Variants in GPR89A observed in about 807,000 individuals in gnomAD.
The protein encoded by GPR89A is G protein-coupled receptor 89A.
In GPR89A, 16 loss-of-function variants were observed where a neutral mutation model predicts 52.0. That is an observed-to-expected ratio of 0.31 (90% CI 0.21 to 0.47). The LOEUF (loss-of-function observed/expected upper bound fraction) is 0.47. GPR89A is among the 20% of genes least tolerant of loss of function. GPR89A has a pLI of 1.00. For synonymous variants in GPR89A, 55 were observed against 150.9 expected (o/e 0.36, Z 4.66); for missense variants, 135 against 449.4 (o/e 0.30, Z 6.33).
intron 7 of GPR89A, among the ~76,000 whole-genome samples, chr1:145,632,961 C>G (rs1156592272): frequency 6.6e-6 from 1 of 151,618 alleles, no homozygotes; most frequent in African/African-American, 2.4e-5. Flanking sequence ...GAGGTGATAT[C>G]TCATTGTGTC....
intron 1 of GPR89A, chr1:145,608,412 T>C: frequency 1.3e-6 from 1 of 748,224 alleles, no homozygotes; most frequent in Non-Finnish European, 2.2e-6. Flanking sequence ...TCCCCGGAAT[T>C]TCGGTCCACT....
In GPR89A at chr1:145,662,673, G is replaced by A. The variant is rs1363166314; in HGVS notation, c.910-656G>A. Reference sequence around the variant, plus strand: ...AACGCAGCCAAGTCCATTCATTTGTGTATTGTCTGTGGCTGCTGTCACACT... The same window carrying A: ...AACGCAGCCAAGTCCATTCATTTGTATATTGTCTGTGGCTGCTGTCACACT... On this transcript the variant is annotated intron_variant, in intron 10 of 13. Coordinates refer to ENST00000313835, the MANE Select transcript of GPR89A (RefSeq NM_001097612.2). 1.1e-4 allele frequency among the ~76,000 whole-genome samples: 16 copies of A among 152,186 alleles called. 1 individual carries two copies. The East Asian group carries it at 3.1e-3, about 29-fold the overall frequency.
chr1:145,664,770 C>T (rs2101842968), intron 11 of GPR89A, among the ~76,000 whole-genome samples: 1 of 149,572 alleles, frequency 6.7e-6, no homozygotes, highest in Non-Finnish European at 1.5e-5. Flanking sequence ...ACTTACATGG[C>T]CATGTATATA....
intron 8 of GPR89A, chr1:145,645,328 G>C: frequency 3.0e-6 from 1 of 330,854 alleles, no homozygotes; most frequent in South Asian, 2.4e-5. Flanking sequence ...AAAAATCAGA[G>C]AGGAGGGAGG....
intron 10 of GPR89A, among the ~76,000 whole-genome samples, chr1:145,660,380 A>G (rs1322871483): frequency 6.6e-6 from 1 of 152,216 alleles, no homozygotes; most frequent in African/African-American, 2.4e-5. Flanking sequence ...ACCATTCAGA[A>G]CATAGGCATG....
intron 7 of GPR89A, among the ~76,000 whole-genome samples, chr1:145,640,272 G>GA (rs1179077991): frequency 0.99 from 56,803 of 57,592 alleles, 28,017 homozygotes; most frequent in South Asian, 0.99. Flanking sequence ...AAAACTTTCA[G>GA]AAAAAAAAAA....
At chr1:145,609,886 C>T (rs1408507234) in intron 1 of GPR89A, among the ~76,000 whole-genome samples, 1 of 152,116 alleles carries the variant, frequency 6.6e-6, no homozygotes, top group African/African-American at 2.4e-5. Flanking sequence ...ATCATCCTTT[C>T]GGTATTAATA....
At chr1:145,616,599 C>G (rs1648723027) in intron 2 of GPR89A, among the ~76,000 whole-genome samples, 1 of 152,026 alleles carries the variant, frequency 6.6e-6, no homozygotes, top group Non-Finnish European at 1.5e-5. Context: ...ACAAATGTTC[C>G]CTTTCATTTG....
intron 7 of GPR89A, among the ~76,000 whole-genome samples, chr1:145,633,726 G>T (rs1650026555): frequency 1.3e-5 from 1 of 75,448 alleles, no homozygotes. Flanking sequence ...AGTTTTTTGT[G>T]GTTCCATGTG....
chr1:145,648,998 G>C (rs1388367580), intron 10 of GPR89A, among the ~76,000 whole-genome samples: 2 of 150,304 alleles, frequency 1.3e-5, no homozygotes, highest in African/African-American at 2.5e-5. Flanking sequence ...TAGAGACAGG[G>C]TTTCACCATC....
chr1:145,619,303 T>TTAA (rs1553687609), intron 3 of GPR89A, among the ~76,000 whole-genome samples: 21 of 18,650 alleles, frequency 1.1e-3, no homozygotes, highest in Non-Finnish European at 1.2e-3. Flanking sequence ...ATTGAAAGGT[T>TTAA]AAAAAAAAAA....
chr1:145,613,902 T>G (rs1648480789), intron 1 of GPR89A, among the ~76,000 whole-genome samples: 1 of 152,038 alleles, frequency 6.6e-6, no homozygotes, highest in Admixed American at 6.6e-5. Flanking sequence ...CCCTTCCACT[T>G]CAGCCTCCCC....
intron 7 of GPR89A, among the ~76,000 whole-genome samples, chr1:145,638,837 A>C (rs1359564499): frequency 1.5e-5 from 2 of 136,106 alleles, no homozygotes; most frequent in African/African-American, 6.0e-5. Flanking sequence ...TACAAAAATC[A>C]GTTGTAGCCA....
intron 7 of GPR89A, among the ~76,000 whole-genome samples, chr1:145,636,844 A>T (rs184890770): frequency 1.9e-4 from 29 of 152,286 alleles, no homozygotes; most frequent in African/African-American, 7.0e-4. Flanking sequence ...CTTGCCTGGA[A>T]GTGCCCCTTA....
At chr1:145,656,934 T>TA (rs1651845932) in intron 10 of GPR89A, among the ~76,000 whole-genome samples, 2 of 152,092 alleles carry the variant, frequency 1.3e-5, no homozygotes. Context: ...TTACTGCATC[T>TA]ATTGAGATGA....
intron 10 of GPR89A, among the ~76,000 whole-genome samples, chr1:145,650,144 C>T (rs1199487590): frequency 2.0e-5 from 3 of 151,952 alleles, no homozygotes; most frequent in South Asian, 2.1e-4. Flanking sequence ...TCCCCCTCCC[C>T]GCCTTCGACA....
chr1:145,646,357 T>A (rs1428267515), intron 9 of GPR89A, 85 bp downstream of exon 9: 165 of 1,084,962 alleles, frequency 1.5e-4, no homozygotes, highest in Non-Finnish European at 2.0e-4. Flanking sequence ...GATTTCTCTG[T>A]GGCCAAGCAA....
intron 3 of GPR89A, among the ~76,000 whole-genome samples, chr1:145,620,124 A>G (rs1392021438): frequency 3.3e-5 from 5 of 152,120 alleles, no homozygotes; most frequent in Non-Finnish European, 5.9e-5. Context: ...TGGTTATTAA[A>G]TTTTATTATC....
intron 10 of GPR89A, among the ~76,000 whole-genome samples, chr1:145,656,094 G>A (rs1445943932): frequency 6.6e-6 from 1 of 152,144 alleles, no homozygotes; most frequent in Admixed American, 6.5e-5. Flanking sequence ...CTGTGCTGTG[G>A]GGAATTCCTC....
Sources: allele counts gnomAD v4.1 joint callset (sites outside exome capture counted in the v4.1 genomes callset), GRCh38; gene constraint gnomAD v4.1.1; transcripts MANE v1.5; gene names NCBI Gene and HGNC (gene_info 2026-07-23, HGNC 2026-07-21).